Variants in ST7 observed in about 807,000 individuals in gnomAD.
ST7 encodes the protein suppression of tumorigenicity 7, also known as suppressor of tumorigenicity 7 protein.
ST7 carries 28 observed loss-of-function variants against 78.7 expected under a neutral mutation model. The observed-to-expected ratio is 0.36, with a 90% CI of 0.26 to 0.49. The LOEUF is 0.49. Ranked by LOEUF, ST7 falls within the 20% of genes least tolerant of loss-of-function variation. The probability of loss-of-function intolerance (pLI) is 0.99; values close to 1 mark genes in which losing one functional copy is unlikely to be tolerated. For missense variants in ST7, 418 were observed against 696.0 expected, an observed-to-expected ratio of 0.60 and a Z score of 4.49; for synonymous variants, 247 against 249.6, an observed-to-expected ratio of 0.99 and a Z score of 0.10.
chr7:117,017,568 T>C (rs186870127), intron 1 of ST7, among the ~76,000 whole-genome samples: 6 of 152,210 alleles, frequency 3.9e-5, no homozygotes. Flanking sequence ...CAGGCAGGGG[T>C]ATTCAGACAG....
chr7:117,042,775 C>T (rs981341166), intron 1 of ST7, among the ~76,000 whole-genome samples: 5 of 152,062 alleles, frequency 3.3e-5, no homozygotes, highest in Non-Finnish European at 4.4e-5. Context: ...CTTTTTAGTA[C>T]TTTTGTGCTT....
At chr7:117,142,234 A>G (rs1313308621) in intron 9 of ST7, among the ~76,000 whole-genome samples, 1 of 152,122 alleles carries the variant, frequency 6.6e-6, no homozygotes, top group African/African-American at 2.4e-5. Context: ...CTAGTCCCTT[A>G]GCCATACACT....
At chr7:116,999,370 A>T (rs112136115) in intron 1 of ST7, among the ~76,000 whole-genome samples, 1,719 of 152,328 alleles carry the variant, frequency 0.011, 26 homozygotes, top group African/African-American at 0.038. Context: ...CATCTTAGAT[A>T]CTTGGAGTTC....
At chr7:117,185,585 TA>T (rs1479001559) in intron 10 of ST7, among the ~76,000 whole-genome samples, 1 of 152,218 alleles carries the variant, frequency 6.6e-6, no homozygotes, top group Non-Finnish European at 1.5e-5. Flanking sequence ...GTATACACAA[TA>T]TTTTTTCATA....
At chr7:117,064,994 A>C (rs939259735) in intron 1 of ST7, among the ~76,000 whole-genome samples, 1 of 152,142 alleles carries the variant, frequency 6.6e-6, no homozygotes, top group African/African-American at 2.4e-5. Context: ...TGTATCTCTT[A>C]AACTGTCTAA....
Position 117,130,477 on chromosome 7 carries a change from T to C in ST7, c.450-14T>C, listed in dbSNP as rs1340793433. ...CTCTCAAAAGTGTCTAATCATCTTA[T>C]TTCTCCTTTGCAGGTATACTTGGGT... is the stretch of plus-strand genomic sequence containing the variant. On this transcript the variant is annotated splice_polypyrimidine_tract_variant and intron_variant, in intron 4 of 15. Coordinates refer to ENST00000323984, the MANE Select transcript of ST7 (RefSeq NM_001369598.1). 1 of 1,586,890 alleles carries C rather than the reference T, an allele frequency of 6.3e-7. No homozygotes were observed. The highest frequency in any genetic ancestry group is 1.7e-4 in the Middle Eastern group (1 of 5,994).
intron 15 of ST7, 43 bp from the exon 16 acceptor site, chr7:117,229,719 C>T: frequency 1.3e-6 from 2 of 1,531,622 alleles, no homozygotes; most frequent in Non-Finnish European, 1.8e-6. Context: ...TAGTCTTGAA[C>T]AAGGTTTCTG....
chr7:117,049,643 T>C (rs975846622), intron 1 of ST7, among the ~76,000 whole-genome samples: 4 of 152,224 alleles, frequency 2.6e-5, no homozygotes, highest in African/African-American at 9.6e-5. Context: ...TGCATGTGTT[T>C]TGTGTCTGCT....
chr7:117,002,813 C>CTTTTTTTTTTTTTTTTTTTTT (rs397970060), intron 1 of ST7, among the ~76,000 whole-genome samples: 1 of 72,154 alleles, frequency 1.4e-5, no homozygotes, highest in East Asian at 5.1e-4. Flanking sequence ...ATTTTTTTTC[C>CTTTTTTTTTTTTTTTTTTTTT]TTTTTTTTTT....
At chr7:117,037,637 C>T (rs975883890) in intron 1 of ST7, among the ~76,000 whole-genome samples, 7 of 152,206 alleles carry the variant, frequency 4.6e-5, no homozygotes, top group African/African-American at 1.2e-4. Context: ...CTATTGTTCT[C>T]GTGTTCCCCA....
intron 1 of ST7, chr7:117,020,719 G>A: frequency 6.6e-7 from 1 of 1,518,496 alleles, no homozygotes; most frequent in Non-Finnish European, 8.9e-7. Flanking sequence ...CTTTGCCTTA[G>A]GTCATTAACA....
chr7:117,180,194 C>T lies in ST7; in HGVS notation c.1079-9127C>T, dbSNP rs1808641576. 2.0e-5 allele frequency among the ~76,000 whole-genome samples: 3 copies of T among 152,134 alleles called. No homozygotes were observed. The South Asian group carries it at 6.2e-4, about 32-fold the overall frequency. On this transcript the variant is annotated intron_variant, in intron 10 of 15. Coordinates refer to ENST00000323984, the MANE Select transcript of ST7 (RefSeq NM_001369598.1). Reference sequence around the variant, plus strand: ...CCACCATAACCCACAGATAATCTTTCAAGGGAGCATAACTAAGGGAGAAGA... The same window carrying T: ...CCACCATAACCCACAGATAATCTTTTAAGGGAGCATAACTAAGGGAGAAGA...
At chr7:117,148,994 T>C (rs13246825) in intron 9 of ST7, among the ~76,000 whole-genome samples, 17,018 of 152,182 alleles carry the variant, frequency 0.11, 1,069 homozygotes, top group Non-Finnish European at 0.15. Flanking sequence ...AAGCCAGCAA[T>C]GCATGCGATG....
chr7:117,019,990 A>G (rs572866307), intron 1 of ST7, among the ~76,000 whole-genome samples: 1 of 152,314 alleles, frequency 6.6e-6, no homozygotes, highest in East Asian at 1.9e-4. Context: ...TATAAAGCCA[A>G]TATTTAAATT....
At chr7:117,054,779 G>C (rs1720761094) in intron 1 of ST7, among the ~76,000 whole-genome samples, 1 of 152,140 alleles carries the variant, frequency 6.6e-6, no homozygotes, top group African/African-American at 2.4e-5. Flanking sequence ...GTTTGTCACT[G>C]AACTCTCTGC....
intron 9 of ST7, 135 bp downstream of exon 9, chr7:117,138,667 G>T: frequency 1.8e-6 from 1 of 546,180 alleles, no homozygotes; most frequent in Non-Finnish European, 3.3e-6. Flanking sequence ...TTCAACTCTA[G>T]TTCCCAATTT....
Position 117,138,438 on chromosome 7 carries a change from G to A in ST7, c.869G>A (p.Arg290Gln). ...TGTTTTATATCTCCCTCTTCAGGACGAGACACCAATGTCTTGGTGTACATC... is the reference window on the plus strand; with the variant it reads ...TGTTTTATATCTCCCTCTTCAGGACAAGACACCAATGTCTTGGTGTACATC... ...HGSQYEAQHR[R>Q]DTNVLVYIKR... Residue 290 changes from arginine (R) to glutamine (Q), a missense_variant, in exon 9 of 16, where the codon CGA becomes CAA. By Grantham distance (43) the Arg-to-Gln change is conservative. Coordinates refer to ENST00000323984, the MANE Select transcript of ST7 (RefSeq NM_001369598.1). The A allele has an allele frequency of 1.9e-6, 3 of 1,593,052 alleles. No individual in the cohort carries two copies. The highest frequency in any genetic ancestry group is 2.6e-6 in the Non-Finnish European group (3 of 1,166,636).
intron 9 of ST7, among the ~76,000 whole-genome samples, chr7:117,148,616 T>G (rs1045272306): frequency 2.6e-5 from 4 of 152,248 alleles, no homozygotes; most frequent in African/African-American, 9.6e-5. Flanking sequence ...TTTAAATTTC[T>G]GTTTTATTCT....
chr7:116,999,196 G>T (rs1000688241), intron 1 of ST7, among the ~76,000 whole-genome samples: 8 of 151,926 alleles, frequency 5.3e-5, no homozygotes, highest in African/African-American at 1.9e-4. Context: ...TCAATAGTAG[G>T]CCTCCTAATA....
Sources: gnomAD v4.1 joint callset for allele counts (sites outside exome capture counted in the v4.1 genomes callset) on GRCh38, gnomAD v4.1.1 for gene constraint, MANE v1.5 for transcripts, NCBI Gene and HGNC (gene_info 2026-07-23, HGNC 2026-07-21) for gene names.